Variants in MSR1 observed in about 807,000 individuals in gnomAD.
MSR1 encodes the protein macrophage scavenger receptor types I and II.
A neutral mutation model predicts 47.2 loss-of-function variants in MSR1; 53 were observed. That is an observed-to-expected ratio of 1.12 (90% CI 0.90 to 1.41). The LOEUF is 1.41. Among genes scored for constraint, MSR1 ranks in the 40% most tolerant of loss-of-function variants. The pLI, the probability that MSR1 is intolerant of heterozygous loss-of-function variation, is 0.00. For synonymous variants in MSR1, 239 were observed against 185.6 expected (o/e 1.29, Z -2.34); for missense variants, 786 against 546.9 (o/e 1.44, Z -4.36).
intron 8 of MSR1, among the ~76,000 whole-genome samples, chr8:16,135,657 C>A (rs1290797751): frequency 6.6e-6 from 1 of 152,122 alleles, no homozygotes; most frequent in Non-Finnish European, 1.5e-5. Context: ...AAGGCTGTAA[C>A]TGACACAGAG....
At chr8:16,150,128 ATG>A (rs142754636) in intron 7 of MSR1, 101 bp downstream of exon 7, 167 of 194,896 alleles carry the variant, frequency 8.6e-4, no homozygotes, top group Admixed American at 2.0e-3. Context: ...GTGTGTGTGT[ATG>A]TGTGTGTGTG....
intron 1 of MSR1, among the ~76,000 whole-genome samples, chr8:16,181,872 T>C (rs1211029046): frequency 6.6e-6 from 1 of 152,204 alleles, no homozygotes; most frequent in African/African-American, 2.4e-5. Flanking sequence ...CTTTTTAACT[T>C]TGAACTCAGT....
At chr8:16,176,875 G>A (rs1801664087) in intron 2 of MSR1, among the ~76,000 whole-genome samples, 2 of 152,132 alleles carry the variant, frequency 1.3e-5, no homozygotes, top group Non-Finnish European at 2.9e-5. Context: ...ACTGTGCCCT[G>A]GAGTTGAGGT....
At position 16,119,472 on chromosome 8, in the gene MSR1, C is replaced by T. The variant is rs374009020; in HGVS notation, c.1222+946G>A. On this transcript the variant is annotated intron_variant, in intron 9 of 9. Transcript: ENST00000262101. ...AACTCCTGACCTCAAGTGATCCACC[C>T]ACCTTCAGCATCCCAAAGTGCTGGG... 1.2e-4 allele frequency among the ~76,000 whole-genome samples: 19 copies of T among 152,208 alleles called. No individual in the cohort carries two copies. In the East Asian group the frequency reaches 3.7e-3, roughly 29 times the overall value.
chr8:16,148,946 T>A (rs1252543626), intron 7 of MSR1, among the ~76,000 whole-genome samples: 1 of 152,168 alleles, frequency 6.6e-6, no homozygotes, highest in African/African-American at 2.4e-5. Context: ...CCACATACTG[T>A]CTGACTCCAA....
intron 8 of MSR1, chr8:16,120,926 A>AT (rs1033131581): frequency 8.2e-6 from 3 of 367,336 alleles, no homozygotes; most frequent in Non-Finnish European, 1.0e-5. Context: ...TGTCACTTAG[A>AT]TTTTTTCATA....
chr8:16,125,779 T>C (rs2117073549), intron 8 of MSR1, among the ~76,000 whole-genome samples: 1 of 152,198 alleles, frequency 6.6e-6, no homozygotes, highest in Admixed American at 6.5e-5. Flanking sequence ...TAAAAGTTTT[T>C]CTTTAGAGAT....
chr8:16,174,172 G>C (rs1289204323), intron 3 of MSR1, among the ~76,000 whole-genome samples: 1 of 152,124 alleles, frequency 6.6e-6, no homozygotes, highest in Non-Finnish European at 1.5e-5. Context: ...TTCTTTCTTA[G>C]TGGAATTTTT....
At chr8:16,135,001 G>T (rs1800356158) in intron 8 of MSR1, among the ~76,000 whole-genome samples, 1 of 152,108 alleles carries the variant, frequency 6.6e-6, no homozygotes, top group Admixed American at 6.6e-5. Context: ...AGCAGAGGTT[G>T]GTTCATAAGG....
At chr8:16,154,578 A>T (rs900000244) in intron 6 of MSR1, among the ~76,000 whole-genome samples, 55 of 152,010 alleles carry the variant, frequency 3.6e-4, no homozygotes, top group African/African-American at 1.3e-3. Flanking sequence ...CAAATACTAT[A>T]TAAGAAATAT....
At chr8:16,140,220 A>G (rs1437472237) in intron 8 of MSR1, 1 of 984,968 alleles carries the variant, frequency 1.0e-6, no homozygotes, top group Non-Finnish European at 1.2e-6. Context: ...ATTGTGTTCT[A>G]GACTCTAGGT....
intron 8 of MSR1, among the ~76,000 whole-genome samples, chr8:16,130,501 G>C (rs1800230765): frequency 6.6e-6 from 1 of 152,034 alleles, no homozygotes; most frequent in South Asian, 2.1e-4. Flanking sequence ...TTTTATATTA[G>C]GTTCAGGCGT....
At chr8:16,165,904 C>A (rs34689673) in intron 4 of MSR1, among the ~76,000 whole-genome samples, 2 of 152,106 alleles carry the variant, frequency 1.3e-5, no homozygotes, top group Non-Finnish European at 2.9e-5. Flanking sequence ...ACCTCCTCCT[C>A]CCCTGACCAT....
intron 5 of MSR1, among the ~76,000 whole-genome samples, chr8:16,162,959 A>ACT (rs1434281627): frequency 1.3e-5 from 2 of 152,066 alleles, no homozygotes; most frequent in African/African-American, 4.8e-5. Flanking sequence ...AAAATAAAGT[A>ACT]GAATAAACTG....
chr8:16,120,800 A>G, intron 8 of MSR1, 194 bp from the exon 9 acceptor site: 1 of 697,846 alleles, frequency 1.4e-6, no homozygotes, highest in East Asian at 2.8e-5. Flanking sequence ...CAAATATTGC[A>G]GCTTTAACAG....
At chr8:16,148,467 T>G (rs992066020) in intron 7 of MSR1, among the ~76,000 whole-genome samples, 1 of 124,686 alleles carries the variant, frequency 8.0e-6, no homozygotes, top group East Asian at 2.3e-4. Context: ...TTTCTAAAAC[T>G]TTTTTTTTTG....
Position 16,154,932 on chromosome 8 carries a change from G to A in MSR1, c.898+132C>T, listed in dbSNP as rs7818338. On this transcript the variant is annotated intron_variant, in intron 6 of 9. Transcript: ENST00000262101. ...CACACACATATACACACATGTGCGT[G>A]CATACACACACACACACACATACAC... The A allele has an allele frequency of 3.4e-3, 2,455 of 730,296 alleles. 44 individuals are homozygous for A. The African/African-American group carries it at 0.038, about 11-fold the overall frequency. 45.2% of individuals were successfully genotyped at this position (730,296 alleles called of 1,614,324 possible).
At chr8:16,168,102 C>G (rs1451662690) in intron 4 of MSR1, among the ~76,000 whole-genome samples, 2 of 152,096 alleles carry the variant, frequency 1.3e-5, no homozygotes, top group Non-Finnish European at 2.9e-5. Context: ...TCAAATATGT[C>G]TGTTGCAAAA....
chr8:16,173,474 A>T (rs911244855), intron 3 of MSR1, among the ~76,000 whole-genome samples: 2 of 152,132 alleles, frequency 1.3e-5, no homozygotes, highest in Non-Finnish European at 2.9e-5. Flanking sequence ...CATACAGATA[A>T]CCTTGATTTA....
Sources: allele counts gnomAD v4.1 joint callset (sites outside exome capture counted in the v4.1 genomes callset), GRCh38; gene constraint gnomAD v4.1.1; transcripts MANE v1.5; gene names NCBI Gene and HGNC (gene_info 2026-07-23, HGNC 2026-07-21).